SYT2: variants seen among roughly 807,000 people sequenced by gnomAD.
SYT2 encodes synaptotagmin-2.
In SYT2, 15 loss-of-function variants were observed where a neutral mutation model predicts 39.9. The ratio of observed to expected loss-of-function variants is 0.38; its 90% CI spans 0.25 to 0.58. The LOEUF (loss-of-function observed/expected upper bound fraction) is 0.58. Ranked by LOEUF, SYT2 falls within the 20% of genes least tolerant of loss-of-function variation. The pLI is 0.70. For missense variants in SYT2, 389 were observed against 530.3 expected (o/e 0.73, Z 2.62); for synonymous variants, 181 against 204.5 (o/e 0.89, Z 0.98).
chr1:202,643,442 C>T (rs1691991067), intron 1 of SYT2: 1 of 152,564 alleles, frequency 6.6e-6, no homozygotes, highest in Non-Finnish European at 1.5e-5. Context: ...TCGAGTCTCT[C>T]CCTCTCTCTA....
At chr1:202,607,646 T>C (rs1029652330) in intron 1 of SYT2, among the ~76,000 whole-genome samples, 5 of 152,182 alleles carry the variant, frequency 3.3e-5, no homozygotes, top group African/African-American at 9.7e-5. Context: ...GTAGGTTCAT[T>C]CACCAAGCAT....
chr1:202,666,950 C>G (rs1692490982), intron 1 of SYT2, among the ~76,000 whole-genome samples: 1 of 152,314 alleles, frequency 6.6e-6, no homozygotes, highest in Non-Finnish European at 1.5e-5. Flanking sequence ...CCATTGCACT[C>G]CAGCCTGGGC....
chr1:202,631,737 T>A (rs773037941), intron 1 of SYT2, among the ~76,000 whole-genome samples: 15 of 152,104 alleles, frequency 9.9e-5, no homozygotes, highest in African/African-American at 3.6e-4. Flanking sequence ...GCACCACCCA[T>A]TGATGAGTTC....
At chr1:202,693,345 T>C (rs1331103725) in intron 1 of SYT2, among the ~76,000 whole-genome samples, 1 of 152,172 alleles carries the variant, frequency 6.6e-6, no homozygotes, top group Non-Finnish European at 1.5e-5. Flanking sequence ...TCAAGACAGA[T>C]ACCCTTCAAG....
At chr1:202,621,618 A>T (rs1392775816) in intron 1 of SYT2, among the ~76,000 whole-genome samples, 1 of 149,964 alleles carries the variant, frequency 6.7e-6, no homozygotes, top group African/African-American at 2.5e-5. Flanking sequence ...CCCAGCCAAA[A>T]GAGAGAACAA....
chr1:202,615,027 A>G (rs568869277), intron 1 of SYT2, among the ~76,000 whole-genome samples: 4 of 152,332 alleles, frequency 2.6e-5, no homozygotes, highest in African/African-American at 9.6e-5. Flanking sequence ...ACTAGGGTGG[A>G]GCATAACTCC....
At chr1:202,667,301 C>G (rs113493549) in intron 1 of SYT2, among the ~76,000 whole-genome samples, 1,776 of 152,304 alleles carry the variant, frequency 0.012, 27 homozygotes, top group African/African-American at 0.041. Flanking sequence ...AGAGAGGCCA[C>G]TTGAGGCAAA....
At chr1:202,658,052 G>A (rs902009457) in intron 1 of SYT2, among the ~76,000 whole-genome samples, 2 of 151,954 alleles carry the variant, frequency 1.3e-5, no homozygotes, top group Non-Finnish European at 2.9e-5. Context: ...AGAGCTCATC[G>A]AGTGACCTTG....
At chr1:202,676,125 T>C (rs75667731) in intron 1 of SYT2, among the ~76,000 whole-genome samples, 131 of 152,350 alleles carry the variant, frequency 8.6e-4, no homozygotes, top group East Asian at 5.2e-3. Flanking sequence ...TCACTGTTGC[T>C]CCAGCCCAGG....
At chr1:202,668,039 A>G (rs915111490) in intron 1 of SYT2, among the ~76,000 whole-genome samples, 17 of 152,178 alleles carry the variant, frequency 1.1e-4, no homozygotes, top group Admixed American at 9.8e-4. Context: ...CCTCCCTCTC[A>G]GCACCATCAA....
chr1:202,706,500 C>A (rs967598029), intron 1 of SYT2, among the ~76,000 whole-genome samples: 2 of 152,122 alleles, frequency 1.3e-5, no homozygotes, highest in African/African-American at 4.8e-5. Flanking sequence ...GAACAATCTA[C>A]GTCATAGTTA....
chr1:202,638,137 G>A (rs572834387), intron 1 of SYT2, among the ~76,000 whole-genome samples: 2 of 152,290 alleles, frequency 1.3e-5, no homozygotes, highest in Admixed American at 6.5e-5. Context: ...GCTAAGATGC[G>A]ATTCCATGAG....
intron 1 of SYT2, among the ~76,000 whole-genome samples, chr1:202,709,116 T>C (rs956744688): frequency 6.6e-6 from 1 of 152,142 alleles, no homozygotes; most frequent in African/African-American, 2.4e-5. Context: ...CCTAAGGACT[T>C]CCTCCTCCTT....
At chr1:202,672,378 T>G (rs1276864299) in intron 1 of SYT2, among the ~76,000 whole-genome samples, 1 of 152,132 alleles carries the variant, frequency 6.6e-6, no homozygotes, top group African/African-American at 2.4e-5. Context: ...GCCAGAAGGC[T>G]GACATCTGCG....
chr1:202,684,575 T>C (rs1653611584), intron 1 of SYT2, among the ~76,000 whole-genome samples: 1 of 152,194 alleles, frequency 6.6e-6, no homozygotes, highest in Non-Finnish European at 1.5e-5. Flanking sequence ...TTGGCTATTG[T>C]GAATAGCGCT....
chr1:202,686,254 C>A, intron 1 of SYT2, among the ~76,000 whole-genome samples: 1 of 152,162 alleles, frequency 6.6e-6, no homozygotes, highest in East Asian at 1.9e-4. Context: ...CCTGCAGAAC[C>A]GTGAACCAAG....
At chr1:202,605,280 T>C (rs982735782) in intron 2 of SYT2, 5 of 212,622 alleles carry the variant, frequency 2.4e-5, no homozygotes, top group Non-Finnish European at 4.7e-5. Context: ...CAAAGTATTA[T>C]TGGCAAACTT....
At chr1:202,701,549 C>T (rs1390357213) in intron 1 of SYT2, among the ~76,000 whole-genome samples, 1 of 152,170 alleles carries the variant, frequency 6.6e-6, no homozygotes, top group Non-Finnish European at 1.5e-5. Flanking sequence ...CTGAAAATGG[C>T]ATTTCATTAT....
intron 1 of SYT2, among the ~76,000 whole-genome samples, chr1:202,706,490 G>A (rs1654254081): frequency 6.6e-6 from 1 of 152,084 alleles, no homozygotes; most frequent in Non-Finnish European, 1.5e-5. Flanking sequence ...TCCTCACCAA[G>A]AACAATCTAC....
Sources: allele counts gnomAD v4.1 joint callset (sites outside exome capture counted in the v4.1 genomes callset), GRCh38; gene constraint gnomAD v4.1.1; transcripts MANE v1.5; gene names NCBI Gene and HGNC (gene_info 2026-07-23, HGNC 2026-07-21).